The following ADAMTS15 variants were observed in gnomAD, a reference collection of about 807,000 sequenced individuals.
ADAMTS15 encodes A disintegrin and metalloproteinase with thrombospondin motifs 15.
ADAMTS15 carries 35 observed loss-of-function variants against 79.1 expected under a neutral mutation model. That is an observed-to-expected ratio of 0.44 (90% confidence interval 0.34 to 0.59). The LOEUF (loss-of-function observed/expected upper bound fraction) is 0.59. Ranked by LOEUF, ADAMTS15 falls within the 20% of genes least tolerant of loss-of-function variation. ADAMTS15 has a pLI of 0.02. For synonymous variants in ADAMTS15, 616 were observed against 567.3 expected, an observed-to-expected ratio of 1.09 and a Z score of -1.22; for missense variants, 1,324 against 1,318.7, an observed-to-expected ratio of 1.00 and a Z score of -0.06.
intron 1 of ADAMTS15, chr11:130,450,430 C>T (rs879530208): frequency 5.9e-5 from 58 of 985,306 alleles, no homozygotes; most frequent in Admixed American, 5.5e-4. Flanking sequence ...AACACGTTGT[C>T]CCCTCTCTGT....
At position 130,470,206 on chromosome 11, in the gene ADAMTS15, A is replaced by ATG. The variant is rs1938420900; in HGVS notation, c.1721-713_1721-712insGT. ...TGTGTGTATATATATATATATATAT[A>ATG]TATGTATATATATATATATTTTCTG... On this transcript the variant is annotated intron_variant, in intron 5 of 7. Transcript: ENST00000299164. Among the ~76,000 whole-genome samples, 11 of 64,014 alleles carry ATG rather than the reference A, an allele frequency of 1.7e-4. 1 individual carries two copies. The South Asian group carries it at 1.8e-3, about 10-fold the overall frequency. 42.0% of individuals were successfully genotyped at this position (64,014 alleles called of 152,430 possible). A position where few individuals can be genotyped will look rare whatever the true frequency, so the allele number is the denominator to read the frequency against.
chr11:130,471,157 C>T, intron 6 of ADAMTS15, 51 bp from the exon 7 acceptor site: 1 of 1,590,766 alleles, frequency 6.3e-7, no homozygotes, highest in Non-Finnish European at 8.6e-7. Flanking sequence ...CGGGGAGCAT[C>T]AGCTGAGCTG....
At chr11:130,453,202 G>A (rs145428645) in intron 1 of ADAMTS15, among the ~76,000 whole-genome samples, 215 of 151,800 alleles carry the variant, frequency 1.4e-3, no homozygotes, top group African/African-American at 4.8e-3. Flanking sequence ...AGGGGAGCTT[G>A]TTTTCTATGT....
intron 1 of ADAMTS15, among the ~76,000 whole-genome samples, chr11:130,451,036 G>A (rs1296363541): frequency 6.6e-6 from 1 of 152,218 alleles, no homozygotes; most frequent in Non-Finnish European, 1.5e-5. Context: ...AGATTCACAG[G>A]TGTTGGAGTG....
chr11:130,454,509 T>C (rs77479092), intron 1 of ADAMTS15, among the ~76,000 whole-genome samples: 3,396 of 152,354 alleles, frequency 0.022, 143 homozygotes, highest in African/African-American at 0.076. Context: ...ATAATACGTA[T>C]GTTACACATA....
At position 130,449,607 on chromosome 11, in the gene ADAMTS15, C is replaced by A. The variant is rs1185040643; in HGVS notation, c.634C>A (p.Arg212Ser). 2 of 1,604,994 alleles carry A rather than the reference C, an allele frequency of 1.2e-6. No individual in the cohort carries two copies. The highest frequency in any genetic ancestry group is 1.3e-5 in the African/African-American group (1 of 74,830). Residue 212 changes from arginine to serine, a missense_variant, in exon 1 of 8, where the codon CGT becomes AGT. Physicochemically the swap from Arg to Ser is moderately radical, Grantham distance 110. Coordinates refer to ENST00000299164, the MANE Select transcript of ADAMTS15 (RefSeq NM_139055.4). This position sits in a 1 kb window ranked among gnomAD's most constrained non-coding sequence, Gnocchi z 7.8. ...RSRRRSGRAKRFVSIPRYVET... is the reference protein window; with the variant it reads ...RSRRRSGRAKSFVSIPRYVET... ...CCGGCGCAGGTCTGGGCGCGCCAAG[C>A]GTTTCGTGTCTATCCCGCGGTACGT...
Position 130,469,268 on chromosome 11 carries a change from G to T in ADAMTS15, c.1549G>T (p.Gly517Cys). 1.4e-6 allele frequency: 2 copies of T among 1,397,836 alleles called. No homozygotes were observed. Among genetic ancestry groups the T allele is most frequent in the Admixed American group, 2.9e-5 (1 of 34,458 alleles). The allele number at this position is 1,397,836 out of a possible 1,614,324, so 86.6% of individuals were successfully genotyped here. ...AACAGGCTCTTCCTCACAGGTGGAT[G>T]GTTCCTGGGCCAAATGGGATCCCTA... ...RHNLNKHRVD[G>C]SWAKWDPYGP... The change falls in exon 5 of 8, where the codon GGT (glycine) becomes TGT (cysteine). Residue 517 changes from glycine (G) to cysteine (C), a missense_variant. By Grantham distance (159) the Gly-to-Cys change is radical. Coordinates refer to ENST00000299164, the MANE Select transcript of ADAMTS15 (RefSeq NM_139055.4).
At position 130,462,499 on chromosome 11, in the gene ADAMTS15, G is replaced by T. The variant is rs778466521; in HGVS notation, c.1261G>T (p.Asp421Tyr). The T allele has an allele frequency of 5.7e-6, 9 of 1,587,240 alleles. No homozygotes were observed. The South Asian group carries it at 1.0e-4, about 18-fold the overall frequency. ...CGAACGCCCTCGGCTCTCTGCAGGT[G>T]ACTGCCTCCTGGACCAACCCAGCAA... ...ITDFLDSGHG[D>Y]CLLDQPSKPI... Residue 421 changes from aspartate (D) to tyrosine (Y), a missense_variant and splice_region_variant, in exon 4 of 8, where the codon GAC (aspartate) becomes TAC (tyrosine). Physicochemically the swap from Asp to Tyr is radical, Grantham distance 160. Transcript: ENST00000299164. This position sits in a 1 kb window ranked among gnomAD's most constrained non-coding sequence, Gnocchi z 4.3.
chr11:130,466,002 A>T (rs1172489131), intron 4 of ADAMTS15, among the ~76,000 whole-genome samples: 7 of 151,742 alleles, frequency 4.6e-5, no homozygotes, highest in Admixed American at 4.6e-4. Flanking sequence ...CCTCCCCAGT[A>T]GCTGGGATTA....
intron 5 of ADAMTS15, among the ~76,000 whole-genome samples, chr11:130,470,154 GTATATATATATATA>G (rs869166777): frequency 1.8e-5 from 1 of 55,574 alleles, no homozygotes; most frequent in South Asian, 4.7e-4. Flanking sequence ...ATATATATGT[GTATATATATATATA>G]TATATATATA....
rs1343134453 is a variant in ADAMTS15 at position 130,462,307 on chromosome 11, G to C, written c.1258+53G>C. The C allele has an allele frequency of 6.4e-6, 10 of 1,554,600 alleles. No individual in the cohort carries two copies. In the South Asian group the frequency reaches 1.2e-4, roughly 19 times the overall value. ...AGGCCGCCTCGGAGGGGGCTTTGCT[G>C]CTGCCCCTGGTGGAGGTGCTCACTT... On this transcript the variant is annotated intron_variant, in intron 3 of 7. Transcript: ENST00000299164. The surrounding 1 kb of genome is among the most constrained non-coding windows in gnomAD (Gnocchi z 4.3).
At chr11:130,456,965 G>T (rs1359521566) in intron 1 of ADAMTS15, among the ~76,000 whole-genome samples, 1 of 152,212 alleles carries the variant, frequency 6.6e-6, no homozygotes, top group African/African-American at 2.4e-5. Context: ...AGGTGCGGTG[G>T]CTCATGCCTG....
chr11:130,461,325 C>G (rs1313308422), intron 1 of ADAMTS15, among the ~76,000 whole-genome samples, 164 bp from the exon 2 acceptor site: 1 of 152,132 alleles, frequency 6.6e-6, no homozygotes, highest in Non-Finnish European at 1.5e-5. Context: ...GTGAACAGCC[C>G]CACAACCTCC....
intron 4 of ADAMTS15, among the ~76,000 whole-genome samples, chr11:130,467,052 ACTTCCACAAG>A (rs2134732863): frequency 6.6e-6 from 1 of 152,318 alleles, no homozygotes; most frequent in Non-Finnish European, 1.5e-5. Flanking sequence ...GAGGGCAGGT[ACTTCCACAAG>A]TGTTTGGTGA....
At position 130,448,868 on chromosome 11, in the gene ADAMTS15, C is replaced by G; in HGVS notation, c.-106C>G. 3 of 851,644 alleles carry G rather than the reference C, an allele frequency of 3.5e-6. No homozygotes were observed. The highest frequency in any genetic ancestry group is 3.1e-5 in the East Asian group (1 of 32,546). 52.8% of individuals were successfully genotyped at this position (851,644 alleles called of 1,614,324 possible). A position where few individuals can be genotyped will look rare whatever the true frequency, so the allele number is the denominator to read the frequency against. ...CCTTTCTGGGAACTGCCGGCTGTCC[C>G]GTAGCGTTGGCGGTTCCAGAGTGCG... On this transcript the variant is annotated 5_prime_UTR_variant, in exon 1 of 8. Transcript: ENST00000299164.
Position 130,471,376 on chromosome 11 carries a change from A to C in ADAMTS15, c.2071A>C (p.Lys691Gln), listed in dbSNP as rs1169882173. 18 of 1,608,276 alleles carry C rather than the reference A, an allele frequency of 1.1e-5. No individual in the cohort carries two copies. Among genetic ancestry groups the C allele is most frequent in the Non-Finnish European group, 1.4e-5 (16 of 1,178,790 alleles). ...CAAGAAGGTGACTGGACTCTTCACC[A>C]AGCCCATGTGAGTTCTGGGCCCTGA... ...SCKKVTGLFT[K>Q]PMHGYNFVVA... The change falls in exon 7 of 8, where the codon AAG becomes CAG. Residue 691 changes from lysine (K) to glutamine (Q), a missense_variant. By Grantham distance (53) the Lys-to-Gln change is moderately conservative (BLOSUM62 1). Coordinates refer to ENST00000299164, the MANE Select transcript of ADAMTS15 (RefSeq NM_139055.4).
At position 130,462,336 on chromosome 11, in the gene ADAMTS15, C is replaced by G; in HGVS notation, c.1258+82C>G. ...CCCCTGGTGGAGGTGCTCACTTCTC[C>G]GTCCTCTGTACATTAGGTGTGTGTG... On this transcript the variant is annotated intron_variant, in intron 3 of 7. Coordinates refer to ENST00000299164, the MANE Select transcript of ADAMTS15 (RefSeq NM_139055.4). The surrounding 1 kb of genome is among the most constrained non-coding windows in gnomAD (Gnocchi z 4.3). The G allele has an allele frequency of 6.6e-7, 1 of 1,517,660 alleles. No homozygotes were observed. Among genetic ancestry groups the G allele is most frequent in the Non-Finnish European group, 8.9e-7 (1 of 1,129,332 alleles). The allele number at this position is 1,517,660 out of a possible 1,614,324, so 94.0% of individuals were successfully genotyped here. A position where few individuals can be genotyped will look rare whatever the true frequency, so the allele number is the denominator to read the frequency against.
intron 4 of ADAMTS15, 80 bp from the exon 5 acceptor site, chr11:130,469,182 A>C: frequency 8.0e-7 from 1 of 1,244,622 alleles, no homozygotes; most frequent in Non-Finnish European, 1.0e-6. Flanking sequence ...TGGAGGCTGT[A>C]CAGTGTAGTT....
chr11:130,452,213 C>A (rs1937977076), intron 1 of ADAMTS15, among the ~76,000 whole-genome samples: 1 of 152,124 alleles, frequency 6.6e-6, no homozygotes, highest in South Asian at 2.1e-4. Context: ...TCTCCGGGAA[C>A]CTTAACTGCC....
Sources: gnomAD v4.1 joint callset for allele counts (sites outside exome capture counted in the v4.1 genomes callset) on GRCh38, gnomAD v4.1.1 for gene constraint, Gnocchi (gnomAD v3.1) non-coding constraint, MANE v1.5 for transcripts, NCBI Gene and HGNC (gene_info 2026-07-23, HGNC 2026-07-21) for gene names.